CDH13: variants seen among roughly 807,000 people sequenced by gnomAD.
CDH13 encodes cadherin-13.
A neutral mutation model predicts 63.8 loss-of-function variants in CDH13; 24 were observed. The observed-to-expected ratio is 0.38, with a 90% CI of 0.27 to 0.53. The LOEUF (loss-of-function observed/expected upper bound fraction) is 0.53, where lower values mean the gene tolerates loss of function less well. Ranked by LOEUF, CDH13 falls within the 20% of genes least tolerant of loss-of-function variation. The pLI is 0.85. For missense variants in CDH13, 1,049 were observed against 903.1 expected (o/e 1.16, Z -2.07); for synonymous variants, 503 against 355.3 (o/e 1.42, Z -4.67).
chr16:82,660,207 C>T (rs756609980), intron 1 of CDH13, among the ~76,000 whole-genome samples: 1 of 152,072 alleles, frequency 6.6e-6, no homozygotes, highest in Non-Finnish European at 1.5e-5. Flanking sequence ...CAGGGAATCT[C>T]AACAAATTGA....
At chr16:83,176,751 G>T (rs80221965) in intron 4 of CDH13, among the ~76,000 whole-genome samples, 1 of 152,186 alleles carries the variant, frequency 6.6e-6, no homozygotes, top group South Asian at 2.1e-4. Flanking sequence ...AAAGTCTTTA[G>T]TTGCTTGATG....
intron 3 of CDH13, among the ~76,000 whole-genome samples, chr16:83,095,078 A>T (rs182922849): frequency 6.6e-6 from 1 of 152,278 alleles, no homozygotes; most frequent in South Asian, 2.1e-4. Context: ...AATTAACTTT[A>T]TTGTCAACTT....
intron 4 of CDH13, among the ~76,000 whole-genome samples, chr16:83,127,327 T>C (rs2035855212): frequency 6.6e-6 from 1 of 152,146 alleles, no homozygotes; most frequent in Non-Finnish European, 1.5e-5. Flanking sequence ...CCTGGCTGCC[T>C]TGTAGAGAAT....
chr16:82,805,976 T>C (rs963439367), intron 1 of CDH13, among the ~76,000 whole-genome samples: 9 of 152,208 alleles, frequency 5.9e-5, no homozygotes, highest in Non-Finnish European at 1.3e-4. Context: ...ATTGTCTCCA[T>C]AATCCCCTAG....
intron 7 of CDH13, among the ~76,000 whole-genome samples, chr16:83,573,220 T>C (rs1462101691): frequency 6.6e-6 from 1 of 152,204 alleles, no homozygotes; most frequent in African/African-American, 2.4e-5. Flanking sequence ...GGTTGGAGTA[T>C]GCCTAGGAGC....
intron 2 of CDH13, among the ~76,000 whole-genome samples, chr16:82,929,953 G>T (rs2042432864): frequency 6.6e-6 from 1 of 151,534 alleles, no homozygotes; most frequent in Admixed American, 6.6e-5. Context: ...AGTTATGACT[G>T]GCCACCGGAA....
chr16:83,434,728 T>C (rs2072233768), intron 6 of CDH13, among the ~76,000 whole-genome samples: 1 of 151,520 alleles, frequency 6.6e-6, no homozygotes, highest in Non-Finnish European at 1.5e-5. Flanking sequence ...CTGCAATCTG[T>C]TGTTTTGTCT....
intron 7 of CDH13, among the ~76,000 whole-genome samples, chr16:83,585,445 G>T (rs1273006738): frequency 6.6e-6 from 1 of 152,152 alleles, no homozygotes; most frequent in Non-Finnish European, 1.5e-5. Context: ...CCCCAGTTTT[G>T]ATGCATCTAC....
chr16:83,489,043 T>A (rs2073954573), intron 7 of CDH13, among the ~76,000 whole-genome samples: 1 of 152,152 alleles, frequency 6.6e-6, no homozygotes, highest in South Asian at 2.1e-4. Context: ...CATGCCAGCT[T>A]TTCTATAGTC....
chr16:83,241,203 A>C (rs536523154), intron 5 of CDH13, among the ~76,000 whole-genome samples: 80 of 152,292 alleles, frequency 5.3e-4, no homozygotes, highest in South Asian at 1.5e-3. Flanking sequence ...TTGTGTGGAT[A>C]TACCACATTT....
At chr16:83,772,261 A>C in intron 11 of CDH13, among the ~76,000 whole-genome samples, 1 of 152,200 alleles carries the variant, frequency 6.6e-6, no homozygotes, top group East Asian at 1.9e-4. Flanking sequence ...AAGTCAGGTT[A>C]GCTAGGAGGG....
At position 83,357,189 on chromosome 16, in the gene CDH13, C is replaced by T. The variant is rs76465499; in HGVS notation, c.781+12183C>T. 2.6e-5 allele frequency among the ~76,000 whole-genome samples: 4 copies of T among 152,260 alleles called. 1 individual carries two copies. The South Asian group carries it at 8.3e-4, about 32-fold the overall frequency. ...CCATCACATCCAGACTCCAGAGCTG[C>T]TTTGCCATCTGTTCCTCTCCTTCCT... On this transcript the variant is annotated intron_variant, in intron 6 of 13. Transcript: ENST00000567109.
intron 2 of CDH13, among the ~76,000 whole-genome samples, chr16:83,020,507 T>C (rs1379641522): frequency 2.0e-5 from 3 of 152,220 alleles, no homozygotes; most frequent in Non-Finnish European, 2.9e-5. Context: ...AGCCAAGCTG[T>C]ACTCCACTCA....
At chr16:83,022,610 C>T (rs543330405) in intron 2 of CDH13, among the ~76,000 whole-genome samples, 1 of 152,288 alleles carries the variant, frequency 6.6e-6, no homozygotes, top group Non-Finnish European at 1.5e-5. Context: ...TATGAAGATC[C>T]TGGAGGTGGA....
At chr16:83,576,748 T>C (rs924590283) in intron 7 of CDH13, among the ~76,000 whole-genome samples, 3 of 152,240 alleles carry the variant, frequency 2.0e-5, no homozygotes, top group Non-Finnish European at 4.4e-5. Flanking sequence ...CTTACATTTA[T>C]GTCATGATTA....
At chr16:83,181,004 A>G in intron 4 of CDH13, 17 of 1,525,730 alleles carry the variant, frequency 1.1e-5, no homozygotes, top group Non-Finnish European at 1.3e-5. Context: ...GGAATAAATC[A>G]CAAACATTTT....
chr16:83,095,896 G>T (rs907889549), intron 3 of CDH13, among the ~76,000 whole-genome samples: 10 of 152,128 alleles, frequency 6.6e-5, no homozygotes, highest in Admixed American at 1.3e-4. Flanking sequence ...AACAATATTC[G>T]TAAGTACAGA....
chr16:83,283,100 C>G (rs1359421609), intron 5 of CDH13, among the ~76,000 whole-genome samples: 1 of 152,148 alleles, frequency 6.6e-6, no homozygotes, highest in Non-Finnish European at 1.5e-5. Context: ...AATGTTGGTC[C>G]TCTTCTCTAG....
chr16:82,983,626 G>A (rs1910570057), intron 2 of CDH13, among the ~76,000 whole-genome samples: 1 of 152,242 alleles, frequency 6.6e-6, no homozygotes, highest in Admixed American at 6.5e-5. Flanking sequence ...CAGGGCTGCT[G>A]TGAGATGATG....
Sources: gnomAD v4.1 joint callset for allele counts (sites outside exome capture counted in the v4.1 genomes callset) on GRCh38, gnomAD v4.1.1 for gene constraint, MANE v1.5 for transcripts, NCBI Gene and HGNC (gene_info 2026-07-23, HGNC 2026-07-21) for gene names.